The following ATP2B2 variants were observed in gnomAD, a reference collection of about 807,000 sequenced individuals.
The protein encoded by ATP2B2 is ATPase plasma membrane Ca2+ transporting 2.
Under a neutral mutation model 120.0 loss-of-function variants are expected in ATP2B2, and 15 were observed. That is an observed-to-expected ratio of 0.12 (90% CI 0.08 to 0.19). The LOEUF (loss-of-function observed/expected upper bound fraction) is 0.19, where lower values mean the gene tolerates loss of function less well. Among genes scored for constraint, ATP2B2 ranks in the 10% least tolerant of loss-of-function variants. The pLI is 1.00. For synonymous variants in ATP2B2, 694 were observed against 700.3 expected (o/e 0.99, Z 0.14); for missense variants, 1,045 against 1,719.8 (o/e 0.61, Z 6.94).
Position 10,378,471 on chromosome 3 carries a change from G to A in ATP2B2, c.1043-61C>T. 3.8e-6 allele frequency: 6 copies of A among 1,594,722 alleles called. No homozygotes were observed. The Admixed American group carries it at 1.0e-4, about 27-fold the overall frequency. ...GACACATAGACACACATGCAGGTCAGCCCACAGGGTGGAGACGCTGGCACC... is the reference window on the plus strand; with the variant it reads ...GACACATAGACACACATGCAGGTCAACCCACAGGGTGGAGACGCTGGCACC... On this transcript the variant is annotated intron_variant, in intron 9 of 22. Coordinates refer to ENST00000360273, the MANE Select transcript of ATP2B2 (RefSeq NM_001001331.4).
At chr3:10,622,082 G>GC (rs1189724057) in intron 1 of ATP2B2, among the ~76,000 whole-genome samples, 1 of 152,122 alleles carries the variant, frequency 6.6e-6, no homozygotes, top group Non-Finnish European at 1.5e-5. Flanking sequence ...CTGAAAACTG[G>GC]CCACCTGTCA....
intron 10 of ATP2B2, among the ~76,000 whole-genome samples, chr3:10,377,349 G>C (rs1270981107): frequency 6.6e-6 from 1 of 152,186 alleles, no homozygotes; most frequent in Non-Finnish European, 1.5e-5. Context: ...CTCCCAGCTA[G>C]CCGGGAGCTG....
intron 1 of ATP2B2, among the ~76,000 whole-genome samples, chr3:10,685,422 G>A (rs762734803): frequency 9.2e-5 from 14 of 152,296 alleles, no homozygotes; most frequent in East Asian, 5.8e-4. Flanking sequence ...TGGGTGTTCC[G>A]TGGGGACTCC....
At position 10,326,803 on chromosome 3, in the gene ATP2B2, C is replaced by G. The variant is rs1333553200; in HGVS notation, c.*2011G>C. The G allele has an allele frequency of 2.5e-6, 1 of 398,922 alleles. No homozygotes were observed. Among genetic ancestry groups the G allele is most frequent in the Non-Finnish European group, 4.4e-6 (1 of 226,082 alleles). The allele number at this position is 398,922 out of a possible 1,614,324, so 24.7% of individuals were successfully genotyped here. On this transcript the variant is annotated 3_prime_UTR_variant, in exon 23 of 23. Coordinates refer to ENST00000360273, the MANE Select transcript of ATP2B2 (RefSeq NM_001001331.4). Reference sequence around the variant, plus strand: ...GGGCTGACTTTGAACCCCAAACCCTCAAGTTTTTCCACCGCCATCCAGATG... The same window carrying G: ...GGGCTGACTTTGAACCCCAAACCCTGAAGTTTTTCCACCGCCATCCAGATG...
At chr3:10,691,449 G>A (rs556262295) in intron 1 of ATP2B2, among the ~76,000 whole-genome samples, 1 of 152,292 alleles carries the variant, frequency 6.6e-6, no homozygotes, top group African/African-American at 2.4e-5. Context: ...GGGGCCTGAG[G>A]TCCTGGGCTT....
intron 5 of ATP2B2, among the ~76,000 whole-genome samples, chr3:10,396,016 C>T (rs2062024185): frequency 6.6e-6 from 1 of 152,302 alleles, no homozygotes; most frequent in East Asian, 1.9e-4. Context: ...GGGAAACCTG[C>T]CTGGTTTTGA....
chr3:10,657,255 C>T (rs975137169), intron 1 of ATP2B2, among the ~76,000 whole-genome samples: 11 of 152,228 alleles, frequency 7.2e-5, no homozygotes, highest in Non-Finnish European at 1.0e-4. Context: ...TTTTACACCC[C>T]TGTGCCTTTG....
At chr3:10,511,255 AT>A (rs1575441731) in intron 3 of ATP2B2, among the ~76,000 whole-genome samples, 1 of 151,796 alleles carries the variant, frequency 6.6e-6, no homozygotes, top group Non-Finnish European at 1.5e-5. Context: ...GCCTTCCTTG[AT>A]TTTCCCTCCG....
chr3:10,530,850 A>G (rs1575465016), intron 3 of ATP2B2, among the ~76,000 whole-genome samples: 1 of 152,318 alleles, frequency 6.6e-6, no homozygotes, highest in South Asian at 2.1e-4. Context: ...GCTGACGTGG[A>G]AATTCTGCCG....
intron 2 of ATP2B2, among the ~76,000 whole-genome samples, chr3:10,562,140 G>T (rs2067916238): frequency 6.6e-6 from 1 of 152,218 alleles, no homozygotes; most frequent in Non-Finnish European, 1.5e-5. Context: ...CTGCATCTGG[G>T]AGGTGCAGTG....
chr3:10,535,709 T>C (rs2067299991), intron 2 of ATP2B2, among the ~76,000 whole-genome samples: 1 of 152,222 alleles, frequency 6.6e-6, no homozygotes, highest in Non-Finnish European at 1.5e-5. Flanking sequence ...AGTTCGCTCC[T>C]TTTTATTGTT....
At chr3:10,685,920 G>C (rs2071507767) in intron 1 of ATP2B2, among the ~76,000 whole-genome samples, 2 of 152,010 alleles carry the variant, frequency 1.3e-5, no homozygotes. Context: ...TCAATCAAAT[G>C]AATCCATTTG....
chr3:10,388,423 C>A, intron 5 of ATP2B2, 21 bp from the exon 6 acceptor site: 1 of 1,614,062 alleles, frequency 6.2e-7, no homozygotes, highest in Non-Finnish European at 8.5e-7. Context: ...GGACAAAAGC[C>A]AAGTTACCAT....
intron 2 of ATP2B2, among the ~76,000 whole-genome samples, chr3:10,538,944 T>C (rs1355116721): frequency 6.6e-6 from 1 of 152,212 alleles, no homozygotes; most frequent in Non-Finnish European, 1.5e-5. Context: ...TTGTCCCTGT[T>C]TGCAGATGAC....
chr3:10,594,295 T>C (rs1372730678), intron 2 of ATP2B2, among the ~76,000 whole-genome samples: 1 of 152,134 alleles, frequency 6.6e-6, no homozygotes, highest in Admixed American at 6.5e-5. Context: ...CTATTCACAA[T>C]AGCAAAGACT....
At chr3:10,443,099 G>A (rs1468265397) in intron 2 of ATP2B2, among the ~76,000 whole-genome samples, 1 of 152,188 alleles carries the variant, frequency 6.6e-6, no homozygotes, top group Non-Finnish European at 1.5e-5. Flanking sequence ...ATTACTAACG[G>A]TGCCGTGGTT....
chr3:10,355,376 A>T (rs557182907), intron 14 of ATP2B2, among the ~76,000 whole-genome samples: 26 of 152,236 alleles, frequency 1.7e-4, no homozygotes, highest in African/African-American at 6.0e-4. Flanking sequence ...TATGACTCCT[A>T]TATAGACATC....
At chr3:10,389,873 G>C (rs545893835) in intron 5 of ATP2B2, among the ~76,000 whole-genome samples, 1 of 152,324 alleles carries the variant, frequency 6.6e-6, no homozygotes, top group South Asian at 2.1e-4. Flanking sequence ...CTGGGACCCA[G>C]TCTGGGAAGT....
chr3:10,476,920 C>T (rs2065226247), intron 1 of ATP2B2, among the ~76,000 whole-genome samples: 1 of 152,162 alleles, frequency 6.6e-6, no homozygotes, highest in African/African-American at 2.4e-5. Context: ...AGAACAGGCA[C>T]CTAGGGAAGT....
Sources: gnomAD v4.1 joint callset for allele counts (sites outside exome capture counted in the v4.1 genomes callset) on GRCh38, gnomAD v4.1.1 for gene constraint, MANE v1.5 for transcripts, NCBI Gene and HGNC (gene_info 2026-07-23, HGNC 2026-07-21) for gene names.